DTNA: variants seen among roughly 807,000 people sequenced by gnomAD.
The protein encoded by DTNA is dystrophin-related protein 3.
A neutral mutation model predicts 100.7 loss-of-function variants in DTNA; 43 were observed. The ratio of observed to expected loss-of-function variants is 0.43; its 90% CI spans 0.33 to 0.55. DTNA has a LOEUF of 0.55. DTNA is among the 20% of genes least tolerant of loss of function. DTNA has a pLI of 0.04. For missense variants in DTNA, 798 were observed against 953.9 expected, an observed-to-expected ratio of 0.84 and a Z score of 2.15; for synonymous variants, 349 against 347.9, an observed-to-expected ratio of 1.00 and a Z score of -0.04.
chr18:34,808,055 C>A (rs2095408986), intron 5 of DTNA, among the ~76,000 whole-genome samples: 1 of 151,736 alleles, frequency 6.6e-6, no homozygotes, highest in Non-Finnish European at 1.5e-5. Flanking sequence ...AAAACAAAAG[C>A]TAAACAAAAA....
intron 1 of DTNA, among the ~76,000 whole-genome samples, chr18:34,530,253 CT>C (rs1198980474): frequency 6.6e-6 from 1 of 152,124 alleles, no homozygotes; most frequent in Non-Finnish European, 1.5e-5. Context: ...CTTATCCTAA[CT>C]GGGGACTGTA....
At chr18:34,719,663 A>G (rs553948679) in intron 1 of DTNA, among the ~76,000 whole-genome samples, 1 of 152,344 alleles carries the variant, frequency 6.6e-6, no homozygotes, top group South Asian at 2.1e-4. Context: ...ATGTAATAAG[A>G]TTTAGAAGAC....
chr18:34,844,371 A>G (rs1273613955), intron 13 of DTNA, among the ~76,000 whole-genome samples: 2 of 151,862 alleles, frequency 1.3e-5, no homozygotes, highest in Non-Finnish European at 1.5e-5. Context: ...TTCTTTCCCC[A>G]TTCTTCAGTA....
rs996368226 is a variant in DTNA at position 34,825,004 on chromosome 18, T to C, written c.1002-2589T>C. On this transcript the variant is annotated intron_variant, in intron 9 of 22. Coordinates refer to ENST00000444659, the MANE Select transcript of DTNA (RefSeq NM_001386795.1). Reference sequence around the variant, plus strand: ...GTTGCGGTACTAATACACACACATATACACACACATACATACATTTGTATA... The same window carrying C: ...GTTGCGGTACTAATACACACACATACACACACACATACATACATTTGTATA... Among the ~76,000 whole-genome samples the C allele has an allele frequency of 4.0e-5, 6 of 149,924 alleles. No homozygotes were observed. In the South Asian group the frequency reaches 6.3e-4, roughly 16 times the overall value.
chr18:34,653,491 A>C (rs935580597), intron 1 of DTNA, among the ~76,000 whole-genome samples: 1 of 151,468 alleles, frequency 6.6e-6, no homozygotes, highest in Non-Finnish European at 1.5e-5. Context: ...TGAAAGAACA[A>C]GAAAAAAAAA....
At chr18:34,840,349 A>G (rs1790531) in intron 13 of DTNA, among the ~76,000 whole-genome samples, 15,702 of 152,186 alleles carry the variant, frequency 0.1, 856 homozygotes, top group Non-Finnish European at 0.11. Flanking sequence ...CCAGTGTTAC[A>G]TGGTAGCTGA....
At chr18:34,886,945 T>G (rs956819917) in intron 22 of DTNA, among the ~76,000 whole-genome samples, 5 of 152,218 alleles carry the variant, frequency 3.3e-5, no homozygotes, top group Non-Finnish European at 4.4e-5. Context: ...ATATTTTTGT[T>G]TAGACTTTCT....
rs2145687986 is a variant in DTNA, at chr18:34,686,381, C to T, written c.-1-69595C>T. Among the ~76,000 whole-genome samples the T allele has an allele frequency of 1.3e-5, 2 of 152,256 alleles. 1 individual carries two copies. The highest frequency in any genetic ancestry group is 1.3e-4 in the Admixed American group (2 of 15,288). ...TGAATTTTATTGAAGGCCTTTTCTG[C>T]ATCTATTGAGATAATCATGTGGTTT... On this transcript the variant is annotated intron_variant, in intron 1 of 19. Transcript: ENST00000283365.
intron 1 of DTNA, among the ~76,000 whole-genome samples, chr18:34,722,174 G>T (rs2085485992): frequency 6.6e-6 from 1 of 152,074 alleles, no homozygotes; most frequent in African/African-American, 2.4e-5. Flanking sequence ...AGATTCTTTT[G>T]ATTAGGTTAA....
At chr18:34,803,131 C>T (rs1382868329) in intron 4 of DTNA, among the ~76,000 whole-genome samples, 1 of 152,154 alleles carries the variant, frequency 6.6e-6, no homozygotes, top group Non-Finnish European at 1.5e-5. Flanking sequence ...CTTGCCACGA[C>T]CTAAATCCCT....
At chr18:34,547,240 A>T (rs998551130) in intron 1 of DTNA, among the ~76,000 whole-genome samples, 3 of 152,134 alleles carry the variant, frequency 2.0e-5, no homozygotes, top group Admixed American at 1.3e-4. Context: ...ACATATTTCA[A>T]CATCATAGAG....
chr18:34,743,591 T>G (rs2091084587), intron 1 of DTNA, among the ~76,000 whole-genome samples: 2 of 152,290 alleles, frequency 1.3e-5, no homozygotes, highest in South Asian at 2.1e-4. Flanking sequence ...ACTTGTTAAA[T>G]GTAGGTTCTC....
At chr18:34,608,359 G>C (rs1229145791) in intron 1 of DTNA, among the ~76,000 whole-genome samples, 2 of 152,114 alleles carry the variant, frequency 1.3e-5, no homozygotes, top group Non-Finnish European at 2.9e-5. Flanking sequence ...AAAAATAAAA[G>C]ACATATCCTT....
chr18:34,580,854 G>A (rs2048544478), intron 1 of DTNA, among the ~76,000 whole-genome samples: 1 of 152,112 alleles, frequency 6.6e-6, no homozygotes, highest in South Asian at 2.1e-4. Flanking sequence ...ATTCAGTGAT[G>A]ATCTGTGGAA....
chr18:34,888,117 C>T lies in DTNA; in HGVS notation c.*383C>T. ...TGAAAACCCATGCTGCTGTTATACACAATGGCAGTATTAACAAGCATTTTA... is the reference window on the plus strand; with the variant it reads ...TGAAAACCCATGCTGCTGTTATACATAATGGCAGTATTAACAAGCATTTTA... On this transcript the variant is annotated 3_prime_UTR_variant, in exon 23 of 23. Transcript: ENST00000444659. 2 of 985,852 alleles carry T rather than the reference C, an allele frequency of 2.0e-6. No individual in the cohort carries two copies. The highest frequency in any genetic ancestry group is 2.4e-6 in the Non-Finnish European group (2 of 829,938). The allele number at this position is 985,852 out of a possible 1,614,324, so 61.1% of individuals were successfully genotyped here. A position where few individuals can be genotyped will look rare whatever the true frequency, so the allele number is the denominator to read the frequency against.
intron 1 of DTNA, among the ~76,000 whole-genome samples, chr18:34,598,441 T>C (rs2849499): frequency 0.21 from 32,002 of 152,118 alleles, 3,909 homozygotes; most frequent in African/African-American, 0.33. Flanking sequence ...TCTCATTGCA[T>C]ACAACCTCAA....
At chr18:34,620,824 A>T (rs2056346126) in intron 1 of DTNA, among the ~76,000 whole-genome samples, 1 of 152,148 alleles carries the variant, frequency 6.6e-6, no homozygotes, top group Non-Finnish European at 1.5e-5. Flanking sequence ...AGCATTGGAG[A>T]TTACATTTCA....
chr18:34,774,618 A>G (rs1477968134), intron 3 of DTNA, among the ~76,000 whole-genome samples: 1 of 152,250 alleles, frequency 6.6e-6, no homozygotes, highest in Non-Finnish European at 1.5e-5. Flanking sequence ...TGGACCATTC[A>G]GAAATTCATC....
At chr18:34,515,942 C>T (rs1405641694) in intron 1 of DTNA, among the ~76,000 whole-genome samples, 1 of 152,086 alleles carries the variant, frequency 6.6e-6, no homozygotes, top group Non-Finnish European at 1.5e-5. Context: ...AGAAGCTAAA[C>T]AAACTGCTCA....
Sources: allele counts gnomAD v4.1 joint callset (sites outside exome capture counted in the v4.1 genomes callset), GRCh38; gene constraint gnomAD v4.1.1; transcripts MANE v1.5; gene names NCBI Gene and HGNC (gene_info 2026-07-23, HGNC 2026-07-21).